STARD13: variants seen among roughly 807,000 people sequenced by gnomAD.
STARD13 encodes the protein stAR-related lipid transfer protein 13.
Under a neutral mutation model 106.4 loss-of-function variants are expected in STARD13, and 62 were observed. The observed-to-expected ratio is 0.58, with a 90% CI of 0.48 to 0.72. The LOEUF (loss-of-function observed/expected upper bound fraction) is 0.72. STARD13 is among the 30% of genes least tolerant of loss of function. The pLI is 0.00. For missense variants in STARD13, 1,387 were observed against 1,424.0 expected (o/e 0.97, Z 0.42); for synonymous variants, 565 against 553.0 (o/e 1.02, Z -0.31).
upstream of STARD13, among the ~76,000 whole-genome samples, chr13:33,290,064 C>G (rs1566121038): frequency 1.3e-5 from 2 of 152,108 alleles, no homozygotes; most frequent in Non-Finnish European, 2.9e-5. Flanking sequence ...TTGGAATTTT[C>G]AAGTATTTTG....
At chr13:33,172,797 G>T (rs918537238) in intron 1 of STARD13, among the ~76,000 whole-genome samples, 2 of 152,134 alleles carry the variant, frequency 1.3e-5, no homozygotes, top group South Asian at 4.1e-4. Context: ...CATGTAGCTG[G>T]CTAGAAAGAA....
chr13:33,121,989 G>A (rs891453781), intron 7 of STARD13, among the ~76,000 whole-genome samples: 2 of 152,116 alleles, frequency 1.3e-5, no homozygotes, highest in Admixed American at 6.5e-5. Flanking sequence ...GGGATTACAG[G>A]CACCTGCCAC....
chr13:33,545,285 C>G, the STARD13 span, among the ~76,000 whole-genome samples: 1 of 151,760 alleles, frequency 6.6e-6, no homozygotes, highest in Non-Finnish European at 1.5e-5. Flanking sequence ...TTAGTAGAGA[C>G]GGGGTTTCAC....
the STARD13 span, among the ~76,000 whole-genome samples, chr13:33,458,390 A>G: frequency 6.6e-6 from 1 of 151,004 alleles, no homozygotes; most frequent in African/African-American, 2.4e-5. Context: ...CTCCTGCTTC[A>G]GCCTCCCGCG....
chr13:33,646,742 G>A, the STARD13 span, among the ~76,000 whole-genome samples: 1 of 152,042 alleles, frequency 6.6e-6, no homozygotes, highest in South Asian at 2.1e-4. Flanking sequence ...CAAAAGGATA[G>A]GAGGAGAGTG....
At chr13:33,144,937 T>C (rs1880327847) in intron 3 of STARD13, among the ~76,000 whole-genome samples, 1 of 152,230 alleles carries the variant, frequency 6.6e-6, no homozygotes, top group Admixed American at 6.5e-5. Context: ...TCATCTTCTA[T>C]ATACCACAGA....
the STARD13 span, among the ~76,000 whole-genome samples, chr13:33,397,907 T>C: frequency 6.6e-6 from 1 of 152,222 alleles, no homozygotes; most frequent in Non-Finnish European, 1.5e-5. Flanking sequence ...CTCTGGCCTC[T>C]TATGAGAGCT....
chr13:33,455,656 A>G, the STARD13 span, among the ~76,000 whole-genome samples: 49 of 152,296 alleles, frequency 3.2e-4, no homozygotes, highest in Non-Finnish European at 5.6e-4. Context: ...AAAAGCGGCC[A>G]GGCACGGTGG....
chr13:33,632,424 C>A, the STARD13 span, among the ~76,000 whole-genome samples: 1 of 152,182 alleles, frequency 6.6e-6, no homozygotes, highest in Non-Finnish European at 1.5e-5. Context: ...TATAAGGTGA[C>A]CATGAATCAT....
the STARD13 span, among the ~76,000 whole-genome samples, chr13:33,392,314 A>C: frequency 6.6e-6 from 1 of 152,076 alleles, no homozygotes; most frequent in Non-Finnish European, 1.5e-5. Context: ...GGATGAAGAC[A>C]CTCATATTGC....
At chr13:33,470,990 T>A in the STARD13 span, among the ~76,000 whole-genome samples, 1 of 152,228 alleles carries the variant, frequency 6.6e-6, no homozygotes, top group Non-Finnish European at 1.5e-5. Flanking sequence ...AGTCATGAAG[T>A]CCTTGCCCAT....
intron 3 of STARD13, chr13:33,158,850 C>T (rs886815573): frequency 4.6e-5 from 7 of 152,236 alleles, no homozygotes; most frequent in African/African-American, 1.7e-4. Flanking sequence ...AGAAACTCCA[C>T]ACTTCTTTGT....
chr13:33,624,465 T>G, the STARD13 span, among the ~76,000 whole-genome samples: 2 of 152,230 alleles, frequency 1.3e-5, no homozygotes, highest in African/African-American at 4.8e-5. Flanking sequence ...AAAACAGCAC[T>G]ATCAGCATTT....
In STARD13 at chr13:33,112,898, T is replaced by G; in HGVS notation, c.2315A>C (p.Gln772Pro). The change falls in exon 9 of 14, where the codon CAG (glutamine) becomes CCG (proline). Residue 772 changes from glutamine to proline, a missense_variant. Gln to Pro is a moderately conservative substitution (Grantham distance 76, BLOSUM62 -1). Coordinates refer to ENST00000336934, the MANE Select transcript of STARD13 (RefSeq NM_178006.4). Reference protein sequence around the residue: ...VSKEQRLQAVQAAILLLADEN... With the variant: ...VSKEQRLQAVPAAILLLADEN... ...ATCGGCCAGTAGCAGGATGGCAGCC[T>G]GCACGGCCTGCAGCCGCTGCTCTTT... 1 of 1,612,526 alleles carries G rather than the reference T, an allele frequency of 6.2e-7. No homozygotes were observed. The highest frequency in any genetic ancestry group is 8.5e-7 in the Non-Finnish European group (1 of 1,179,374).
At chr13:33,335,148 G>C (rs2138572733) in intron 1 of STARD13, 1 of 152,320 alleles carries the variant, frequency 6.6e-6, no homozygotes, top group Non-Finnish European at 1.5e-5. Flanking sequence ...ATCCTCATTT[G>C]TCTCATTAAT....
the STARD13 span, among the ~76,000 whole-genome samples, chr13:33,430,785 G>A: frequency 1.3e-5 from 2 of 152,132 alleles, no homozygotes; most frequent in Non-Finnish European, 2.9e-5. Context: ...TGGAACTGGA[G>A]GTCATTAGTT....
chr13:33,635,008 G>A, the STARD13 span, among the ~76,000 whole-genome samples: 1 of 152,206 alleles, frequency 6.6e-6, no homozygotes, highest in African/African-American at 2.4e-5. Context: ...TACTACCAAA[G>A]GGGAACATTT....
chr13:33,443,624 G>A, the STARD13 span, among the ~76,000 whole-genome samples: 34 of 151,850 alleles, frequency 2.2e-4, no homozygotes, highest in Non-Finnish European at 3.8e-4. Flanking sequence ...GGTGGCTCAC[G>A]CCTGTAATCC....
At chr13:33,323,591 T>C (rs1055161695) in intron 1 of STARD13, among the ~76,000 whole-genome samples, 4 of 152,210 alleles carry the variant, frequency 2.6e-5, no homozygotes, top group Non-Finnish European at 4.4e-5. Context: ...TAACGGTACA[T>C]ACATGGTACT....
Sources: allele counts gnomAD v4.1 joint callset (sites outside exome capture counted in the v4.1 genomes callset), GRCh38; gene constraint gnomAD v4.1.1; transcripts MANE v1.5; gene names NCBI Gene and HGNC (gene_info 2026-07-23, HGNC 2026-07-21).